TSEN54: variants seen among roughly 807,000 people sequenced by gnomAD.
TSEN54 encodes tRNA splicing endonuclease subunit 54, also known as tRNA-splicing endonuclease subunit Sen54.
A neutral mutation model predicts 61.9 loss-of-function variants in TSEN54; 55 were observed. That is an observed-to-expected ratio of 0.89 (90% CI 0.72 to 1.11). The LOEUF is 1.11. TSEN54 is among the 50% of genes most tolerant of loss of function. The pLI is 0.00. For synonymous variants in TSEN54, 304 were observed against 288.7 expected, an observed-to-expected ratio of 1.05 and a Z score of -0.54; for missense variants, 760 against 687.7, an observed-to-expected ratio of 1.11 and a Z score of -1.18.
chr17:75,524,071 C>T (rs1372514548), intron 10 of TSEN54, among the ~76,000 whole-genome samples, 191 bp from the exon 11 acceptor site: 2 of 152,146 alleles, frequency 1.3e-5, no homozygotes, highest in Admixed American at 1.3e-4. Flanking sequence ...GTGGTGAGCA[C>T]CTTGCTCTTC....
In TSEN54 at chr17:75,524,510, T is replaced by C; in HGVS notation, c.*98T>C. ...TGCCTCCTGTACCCAGACTCTAACC[T>C]GTAGCTTCAGAGGCCAGTCTGGGCC... is the stretch of plus-strand genomic sequence containing the variant. On this transcript the variant is annotated 3_prime_UTR_variant, in exon 11 of 11. Coordinates refer to ENST00000333213, the MANE Select transcript of TSEN54 (RefSeq NM_207346.3). 1 of 1,496,812 alleles carries C rather than the reference T, an allele frequency of 6.7e-7. No individual in the cohort carries two copies. The highest frequency in any genetic ancestry group is 1.4e-5 in the African/African-American group (1 of 72,752). 92.7% of individuals were successfully genotyped at this position (1,496,812 alleles called of 1,614,324 possible). A position where few individuals can be genotyped will look rare whatever the true frequency, so the allele number is the denominator to read the frequency against.
intron 4 of TSEN54, 50 bp from the exon 5 acceptor site, chr17:75,517,507 G>T (rs746444222): frequency 1.3e-6 from 2 of 1,531,516 alleles, no homozygotes; most frequent in East Asian, 4.5e-5. Flanking sequence ...CCATTCCTCT[G>T]TGGCACTGTA....
intron 5 of TSEN54, chr17:75,518,788 G>GT (rs2053399186): frequency 2.0e-6 from 2 of 985,406 alleles, no homozygotes; most frequent in Non-Finnish European, 2.4e-6. Context: ...GCCGAGTAAG[G>GT]TAAGTGGGAG....
rs1388968947 is a variant in TSEN54 at position 75,516,764 on chromosome 17, CGCCCGCTCGCGGTCGCAGAAGCT to C, written c.80_102del (p.Arg27ProfsTer147). ...CCCCCAGCGCCCGGGAGCTCTTCGC[CGCCCGCTCGCGGTCGCAGAAGCT>C]GCCCCAGCGCTCGCATGGCCCCAAG... On this transcript the variant is annotated frameshift_variant, in exon 2 of 11. Coordinates refer to ENST00000333213, the MANE Select transcript of TSEN54 (RefSeq NM_207346.3). LOFTEE classifies it high-confidence loss of function. The C allele has an allele frequency of 6.3e-7, 1 of 1,576,782 alleles. No individual in the cohort carries two copies. Among genetic ancestry groups the C allele is most frequent in the Non-Finnish European group, 8.5e-7 (1 of 1,169,870 alleles).
chr17:75,517,212 C>A lies in TSEN54; in HGVS notation c.337C>A (p.His113Asn). ...CTCAGAGCAGGGCCGGCAGCGCCTT[C>A]ACCCGGAAGAGGCCTTGTATCTTCT... ...GFSEQGRQRL[H>N]PEEALYLLEC... The change falls in exon 4 of 11, where the codon CAC becomes AAC. Residue 113 changes from histidine to asparagine, a missense_variant. Coordinates refer to ENST00000333213, the MANE Select transcript of TSEN54 (RefSeq NM_207346.3). The A allele has an allele frequency of 6.2e-7, 1 of 1,605,760 alleles. No individual in the cohort carries two copies.
Position 75,519,179 on chromosome 17 carries a change from G to A in TSEN54, c.521+132G>A. The A allele has an allele frequency of 9.7e-6, 10 of 1,026,416 alleles. No homozygotes were observed. The Admixed American group carries it at 1.2e-4, about 12-fold the overall frequency. The allele number at this position is 1,026,416 out of a possible 1,614,324, so 63.6% of individuals were successfully genotyped here. On this transcript the variant is annotated intron_variant, in intron 6 of 10. Transcript: ENST00000333213. ...GCAGTTCCTTGGGCACAGACTGGGG[G>A]CGCCTGCTGGAAGCGTTCTGAGAGA...
At chr17:75,517,763 G>A (rs1714989700) in intron 5 of TSEN54, 108 bp downstream of exon 5, 2 of 955,068 alleles carry the variant, frequency 2.1e-6, no homozygotes, top group African/African-American at 1.6e-5. Context: ...GGGCTGCAGG[G>A]CAGACGAGGG....
intron 6 of TSEN54, 154 bp from the exon 7 acceptor site, chr17:75,521,255 C>T: frequency 2.9e-6 from 2 of 698,510 alleles, no homozygotes; most frequent in South Asian, 3.1e-5. Flanking sequence ...TGGGCCTGTA[C>T]CCCTCATGGG....
In TSEN54 at chr17:75,524,457, ACTGT is replaced by A; in HGVS notation, c.*50_*53del. Reference sequence around the variant, plus strand: ...ATGGAGCTTGCTCCGGGGGACCGGGACTGTCTGTTCTCAGGGACCATCTCGGCTG... The same window carrying A: ...ATGGAGCTTGCTCCGGGGGACCGGGACTGTTCTCAGGGACCATCTCGGCTG... On this transcript the variant is annotated 3_prime_UTR_variant, in exon 11 of 11. Transcript: ENST00000333213. 1.2e-6 allele frequency: 2 copies of A among 1,612,400 alleles called. No individual in the cohort carries two copies. Among genetic ancestry groups the A allele is most frequent in the Middle Eastern group, 1.7e-4 (1 of 6,060 alleles).
chr17:75,521,157 C>G (rs1014032817), intron 6 of TSEN54, among the ~76,000 whole-genome samples: 1 of 152,186 alleles, frequency 6.6e-6, no homozygotes. Flanking sequence ...CAATAGTTAT[C>G]CAAGGTTTTT....
chr17:75,516,974 T>G, intron 2 of TSEN54, 35 bp from the exon 3 acceptor site: 1 of 1,557,384 alleles, frequency 6.4e-7, no homozygotes, highest in Non-Finnish European at 8.7e-7. Flanking sequence ...GTCTCCGGAA[T>G]GGACTGACGC....
At chr17:75,516,983 G>A (rs770320668) in intron 2 of TSEN54, 26 bp from the exon 3 acceptor site, 1 of 1,563,894 alleles carries the variant, frequency 6.4e-7, no homozygotes, top group South Asian at 1.2e-5. Flanking sequence ...ATGGACTGAC[G>A]CAGACCCCTC....
chr17:75,520,959 A>C (rs76030093), intron 6 of TSEN54, among the ~76,000 whole-genome samples: 1 of 123,394 alleles, frequency 8.1e-6, no homozygotes, highest in Non-Finnish European at 1.7e-5. Context: ...TGTCTCAAAA[A>C]AAAAAAAAAA....
At position 75,522,052 on chromosome 17, in the gene TSEN54, C is replaced by A; in HGVS notation, c.971C>A (p.Pro324Gln). The A allele has an allele frequency of 6.3e-7, 1 of 1,589,206 alleles. No individual in the cohort carries two copies. Among genetic ancestry groups the A allele is most frequent in the East Asian group, 2.3e-5 (1 of 43,306 alleles). Reference sequence around the variant, plus strand: ...CGCGCCCCAGCCCCAGAGCTGCTCCCGGCCAACGTGGCTGGGCGGGAGACA... The same window carrying A: ...CGCGCCCCAGCCCCAGAGCTGCTCCAGGCCAACGTGGCTGGGCGGGAGACA... The part of the protein sequence containing the change: ...LLRAPAPELL[P>Q]ANVAGRETDA... Residue 324 changes from proline (P) to glutamine (Q), a missense_variant, in exon 8 of 11, where the codon CCG becomes CAG. Physicochemically the swap from Pro to Gln is moderately conservative, Grantham distance 76. Coordinates refer to ENST00000333213, the MANE Select transcript of TSEN54 (RefSeq NM_207346.3).
intron 5 of TSEN54, 92 bp downstream of exon 5, chr17:75,517,747 A>C: frequency 8.8e-7 from 1 of 1,136,894 alleles, no homozygotes; most frequent in Non-Finnish European, 1.3e-6. Flanking sequence ...ACAGTGTCAC[A>C]TGCTGGGGCT....
chr17:75,523,404 C>T (rs2053452347), intron 9 of TSEN54, 69 bp downstream of exon 9: 2 of 1,612,256 alleles, frequency 1.2e-6, no homozygotes, highest in Non-Finnish European at 1.7e-6. Flanking sequence ...GGAACTGGCT[C>T]CTGAAGTAGG....
intron 5 of TSEN54, chr17:75,518,456 G>T: frequency 2.2e-6 from 2 of 915,068 alleles, no homozygotes; most frequent in Non-Finnish European, 2.6e-6. Context: ...GCCAAAAGAA[G>T]GTCTTTCAAG....
Position 75,521,945 on chromosome 17 carries a change from C to T in TSEN54, c.864C>T (p.Val288=). The T allele has an allele frequency of 6.2e-7, 1 of 1,610,532 alleles. No homozygotes were observed. Among genetic ancestry groups the T allele is most frequent in the East Asian group, 2.2e-5 (1 of 44,764 alleles). ...SWESGRAENG[V]TGAGKRRWNF... ...AGAGTGGCAGAGCCGAGAACGGAGT[C>T]ACGGGAGCCGGTAAGCGGCGCTGGA... is the stretch of plus-strand genomic sequence containing the variant. Residue 288 remains valine, a synonymous_variant, in exon 8 of 11, where the codon GTC becomes GTT. Transcript: ENST00000333213.
At chr17:75,523,372 G>C (rs1598478681) in intron 9 of TSEN54, 37 bp downstream of exon 9, 1 of 1,613,632 alleles carries the variant, frequency 6.2e-7, no homozygotes, top group Non-Finnish European at 8.5e-7. Flanking sequence ...GCAGTACCTT[G>C]ACCGCCAGGA....
Sources: allele counts gnomAD v4.1 joint callset (sites outside exome capture counted in the v4.1 genomes callset), GRCh38; gene constraint gnomAD v4.1.1; transcripts MANE v1.5; gene names NCBI Gene and HGNC (gene_info 2026-07-23, HGNC 2026-07-21).